The following TEX11 variants were observed in gnomAD, a reference collection of about 807,000 sequenced individuals.
TEX11 encodes the protein testis expressed 11, also known as testis-expressed protein 11.
A neutral mutation model predicts 84.4 loss-of-function variants in TEX11; 7 were observed. The observed-to-expected ratio is 0.08, with a 90% CI of 0.05 to 0.16. The LOEUF is 0.16. Among genes scored for constraint, TEX11 ranks in the 10% least tolerant of loss-of-function variants. The probability of loss-of-function intolerance (pLI) is 1.00; values close to 1 mark genes in which losing one functional copy is unlikely to be tolerated. For synonymous variants in TEX11, 264 were observed against 222.8 expected (o/e 1.18, Z -1.64); for missense variants, 551 against 660.5 (o/e 0.83, Z 1.82).
chrX:70,535,401 G>T (rs1399358428), intron 28 of TEX11, among the ~76,000 whole-genome samples: 1 of 111,653 alleles, frequency 9.0e-6, no homozygotes, highest in Non-Finnish European at 1.9e-5. Context: ...TTCAAAGCTA[G>T]AACAATATGA....
intron 8 of TEX11, among the ~76,000 whole-genome samples, chrX:70,826,771 T>C (rs2091349055): frequency 9.0e-6 from 1 of 111,500 alleles, no homozygotes; most frequent in South Asian, 3.8e-4. Flanking sequence ...AACTTGAGTT[T>C]CTTGGCAAGC....
chrX:70,851,387 A>G (rs1166031330), intron 7 of TEX11, among the ~76,000 whole-genome samples: 1 of 112,001 alleles, frequency 8.9e-6, no homozygotes, highest in East Asian at 2.8e-4. Flanking sequence ...ACAATTGAAT[A>G]GCCACATGCA....
At chrX:70,533,153 G>T (rs1569311728) in intron 28 of TEX11, among the ~76,000 whole-genome samples, 1 of 112,490 alleles carries the variant, frequency 8.9e-6, no homozygotes, top group East Asian at 2.8e-4. Flanking sequence ...ACGGATGTAA[G>T]AATCATTTAA....
chrX:70,846,923 C>CA (rs201623866), intron 7 of TEX11, among the ~76,000 whole-genome samples: 3,816 of 108,108 alleles, frequency 0.035, 171 homozygotes, highest in African/African-American at 0.12. Context: ...GACTCTGTCT[C>CA]AAAAAAAAAG....
At chrX:70,709,098 C>T (rs182075655) in intron 13 of TEX11, among the ~76,000 whole-genome samples, 314 of 110,801 alleles carry the variant, frequency 2.8e-3, no homozygotes, top group Non-Finnish European at 5.1e-3. Context: ...ACTATGATTC[C>T]TGAAAATAAA....
rs150610671 is a variant in TEX11, at chrX:70,896,125, C to T, written c.37+11628G>A. On this transcript the variant is annotated intron_variant, in intron 2 of 29. Coordinates refer to ENST00000374333, the MANE Select transcript of TEX11 (RefSeq NM_031276.3). ...AGAAAATTTTTGCAATCTATCCATCCGACAAAGGTCTAATATCCAGAATCT... is the reference window on the plus strand; with the variant it reads ...AGAAAATTTTTGCAATCTATCCATCTGACAAAGGTCTAATATCCAGAATCT... Among the ~76,000 whole-genome samples, 58 of 111,779 alleles carry T rather than the reference C, an allele frequency of 5.2e-4. No homozygotes were observed. In the East Asian group the frequency reaches 0.014, roughly 26 times the overall value.
At chrX:70,685,491 G>A (rs2090180858) in intron 13 of TEX11, among the ~76,000 whole-genome samples, 1 of 111,992 alleles carries the variant, frequency 8.9e-6, no homozygotes, top group South Asian at 3.7e-4. Flanking sequence ...TGAAACTGTA[G>A]AACTCCTAAA....
the TEX11 span, among the ~76,000 whole-genome samples, chrX:70,521,638 G>C: frequency 1.5e-4 from 17 of 111,707 alleles, no homozygotes; most frequent in African/African-American, 4.9e-4. Context: ...AAATCAACAA[G>C]AGGGACTGTT....
chrX:70,567,635 T>G (rs1603077755), intron 25 of TEX11, among the ~76,000 whole-genome samples: 4 of 111,731 alleles, frequency 3.6e-5, no homozygotes, highest in African/African-American at 1.3e-4. Flanking sequence ...AAAGAACATC[T>G]TTATTTCTGC....
chrX:70,719,064 C>T (rs1172604392), intron 13 of TEX11, among the ~76,000 whole-genome samples: 1 of 111,615 alleles, frequency 9.0e-6, no homozygotes, highest in Non-Finnish European at 1.9e-5. Flanking sequence ...CAACTAAGCC[C>T]CCTAATCTAC....
At chrX:70,744,241 A>AT (rs375156269) in intron 9 of TEX11, 22 bp from the exon 10 acceptor site, 51,695 of 631,207 alleles carry the variant, frequency 0.082, 1,989 homozygotes, top group East Asian at 0.25. Context: ...AAGGAAAAAA[A>AT]ATATATATAT....
At chrX:70,900,201 G>A (rs922288114) in intron 2 of TEX11, among the ~76,000 whole-genome samples, 8 of 104,523 alleles carry the variant, frequency 7.7e-5, no homozygotes, top group Admixed American at 2.1e-4. Context: ...TAATTAATTA[G>A]TTAAAATAAA....
At chrX:70,788,973 T>TATATATATATATATATATAGAG (rs1211700739) in intron 9 of TEX11, among the ~76,000 whole-genome samples, 1 of 9,560 alleles carries the variant, frequency 1.0e-4, no homozygotes, top group Non-Finnish European at 1.8e-4. Flanking sequence ...TATATATATA[T>TATATATATATATATATATAGAG]AGAGAGAGAG....
chrX:70,545,147 G>A lies in TEX11; in HGVS notation c.2520+6979C>T, dbSNP rs144487393. ...TTGAACCCGGGAGGCAGATGTTGCA[G>A]TGAGCCGAGATTGCGCCATGGCACT... On this transcript the variant is annotated intron_variant, in intron 28 of 29. Coordinates refer to ENST00000374333, the MANE Select transcript of TEX11 (RefSeq NM_031276.3). 6.3e-3 allele frequency among the ~76,000 whole-genome samples: 702 copies of A among 111,099 alleles called. 4 individuals are homozygous for A. Among genetic ancestry groups the A allele is most frequent in the African/African-American group, 0.022 (662 of 30,663 alleles).
chrX:70,875,999 T>C (rs942772165), intron 3 of TEX11, among the ~76,000 whole-genome samples: 6 of 111,979 alleles, frequency 5.4e-5, no homozygotes, highest in Non-Finnish European at 1.1e-4. Context: ...CAGCAACTCA[T>C]TTTAAAATGC....
At chrX:70,846,692 G>C (rs1380762501) in intron 7 of TEX11, among the ~76,000 whole-genome samples, 1 of 112,000 alleles carries the variant, frequency 8.9e-6, no homozygotes, top group Non-Finnish European at 1.9e-5. Flanking sequence ...GGGAGGCCAA[G>C]GTGGGTGGAT....
chrX:70,816,715 CA>C (rs61114889), intron 8 of TEX11, among the ~76,000 whole-genome samples: 24,375 of 80,407 alleles, frequency 0.3, 2,826 homozygotes, highest in East Asian at 0.45. Flanking sequence ...GACTCTGTCT[CA>C]AAAAAAAAAA....
chrX:70,870,578 AC>A (rs2091624763), intron 4 of TEX11, among the ~76,000 whole-genome samples: 2 of 111,237 alleles, frequency 1.8e-5, no homozygotes, highest in Admixed American at 9.6e-5. Context: ...CTCGTGATCC[AC>A]CTGCTTCAGC....
intron 18 of TEX11, among the ~76,000 whole-genome samples, chrX:70,628,227 CA>C (rs1286767309): frequency 2.3e-3 from 154 of 67,521 alleles, no homozygotes; most frequent in Middle Eastern, 8.5e-3. Flanking sequence ...GAGACTTTGT[CA>C]AAAAAAAAAA....
Sources: allele counts gnomAD v4.1 joint callset (sites outside exome capture counted in the v4.1 genomes callset), GRCh38; gene constraint gnomAD v4.1.1; transcripts MANE v1.5; gene names NCBI Gene and HGNC (gene_info 2026-07-23, HGNC 2026-07-21).